PACRG: variants seen among roughly 807,000 people sequenced by gnomAD.
The protein encoded by PACRG is parkin coregulated gene protein.
In PACRG, 29 loss-of-function variants were observed where a neutral mutation model predicts 29.7. The ratio of observed to expected loss-of-function variants is 0.98; its 90% CI spans 0.73 to 1.33. PACRG has a LOEUF of 1.33. Ranked by LOEUF, PACRG falls within the 40% of genes most tolerant of loss-of-function variation. The pLI, the probability that PACRG is intolerant of heterozygous loss-of-function variation, is 0.00. For missense variants in PACRG, 279 were observed against 316.2 expected (o/e 0.88, Z 0.89); for synonymous variants, 116 against 118.7 (o/e 0.98, Z 0.15).
At chr6:162,970,844 CT>C (rs56290314) in intron 2 of PACRG, among the ~76,000 whole-genome samples, 85,397 of 151,932 alleles carry the variant, frequency 0.56, 24,305 homozygotes, top group Middle Eastern at 0.71. Flanking sequence ...GGCATTGCCC[CT>C]GTCACCTGAG....
intron 1 of PACRG, among the ~76,000 whole-genome samples, chr6:162,758,611 G>C (rs868300588): frequency 6.6e-6 from 1 of 152,194 alleles, no homozygotes; most frequent in East Asian, 1.9e-4. Context: ...ACATGGACAA[G>C]AGAGCCAGAT....
intron 2 of PACRG, among the ~76,000 whole-genome samples, chr6:162,961,418 A>G (rs1271490616): frequency 6.6e-6 from 1 of 152,198 alleles, no homozygotes; most frequent in South Asian, 2.1e-4. Flanking sequence ...TGGAGTTTCT[A>G]CTATCATGTG....
At chr6:162,961,530 A>G (rs1438969103) in intron 2 of PACRG, among the ~76,000 whole-genome samples, 1 of 152,196 alleles carries the variant, frequency 6.6e-6, no homozygotes, top group Non-Finnish European at 1.5e-5. Context: ...CACCTGGATT[A>G]CAAACGCAAC....
At chr6:163,109,883 A>G (rs2128318808) in intron 4 of PACRG, among the ~76,000 whole-genome samples, 1 of 152,332 alleles carries the variant, frequency 6.6e-6, no homozygotes, top group East Asian at 1.9e-4. Context: ...TGCAAACTCA[A>G]GTATATAACT....
intron 2 of PACRG, among the ~76,000 whole-genome samples, chr6:163,030,383 C>G (rs546548525): frequency 6.6e-6 from 1 of 152,290 alleles, no homozygotes; most frequent in South Asian, 2.1e-4. Flanking sequence ...AAAGTTTCTT[C>G]CAGCTTATGA....
intron 2 of PACRG, among the ~76,000 whole-genome samples, chr6:162,980,258 A>G (rs1802300621): frequency 6.6e-6 from 1 of 151,684 alleles, no homozygotes; most frequent in Non-Finnish European, 1.5e-5. Flanking sequence ...TACAGATCTC[A>G]TGTCATTAGG....
At chr6:162,769,590 T>C (rs1783058052) in intron 1 of PACRG, among the ~76,000 whole-genome samples, 1 of 152,050 alleles carries the variant, frequency 6.6e-6, no homozygotes, top group South Asian at 2.1e-4. Flanking sequence ...CCAGAGGATA[T>C]TGATCATGCA....
chr6:163,127,804 C>T (rs1372516846), intron 4 of PACRG, among the ~76,000 whole-genome samples: 3 of 152,202 alleles, frequency 2.0e-5, no homozygotes, highest in African/African-American at 4.8e-5. Flanking sequence ...ATGCTTGTAG[C>T]TCAGAGTGCA....
intron 2 of PACRG, among the ~76,000 whole-genome samples, chr6:162,844,668 C>A (rs1277321048): frequency 6.6e-6 from 1 of 152,206 alleles, no homozygotes; most frequent in African/African-American, 2.4e-5. Context: ...CTGGGTGAAT[C>A]TTCAATTACA....
chr6:163,305,939 G>A lies in PACRG; in HGVS notation c.614-8888G>A, dbSNP rs985802123. Among the ~76,000 whole-genome samples the A allele has an allele frequency of 7.2e-5, 11 of 152,048 alleles. No homozygotes were observed. The South Asian group carries it at 8.3e-4, about 11-fold the overall frequency. On this transcript the variant is annotated intron_variant, in intron 4 of 4. Transcript: ENST00000366888. Reference sequence around the variant, plus strand: ...AAATGTTCTGCTACCTCCTGCTCTCGCTGTGATGACATGTGATGCTTGGAC... The same window carrying A: ...AAATGTTCTGCTACCTCCTGCTCTCACTGTGATGACATGTGATGCTTGGAC...
chr6:163,268,920 T>C (rs1035554881), intron 4 of PACRG, among the ~76,000 whole-genome samples: 1 of 152,204 alleles, frequency 6.6e-6, no homozygotes, highest in African/African-American at 2.4e-5. Flanking sequence ...TTCCTAAGTT[T>C]GTGATTATAA....
At chr6:163,020,423 A>G (rs1806502577) in intron 2 of PACRG, among the ~76,000 whole-genome samples, 1 of 151,720 alleles carries the variant, frequency 6.6e-6, no homozygotes, top group African/African-American at 2.4e-5. Flanking sequence ...AATAAAAATA[A>G]AACCAAACAC....
chr6:163,263,164 A>AGG (rs61321561), intron 4 of PACRG, among the ~76,000 whole-genome samples: 46,055 of 148,534 alleles, frequency 0.31, 7,265 homozygotes, highest in East Asian at 0.41. Flanking sequence ...TATCTTACAG[A>AGG]CCCCAGGAGG....
intron 2 of PACRG, among the ~76,000 whole-genome samples, chr6:162,913,705 A>G (rs533802749): frequency 2.0e-5 from 3 of 152,308 alleles, no homozygotes; most frequent in Admixed American, 6.5e-5. Flanking sequence ...CAGTTTCTCT[A>G]CATCCTCACC....
chr6:163,087,813 A>G (rs992308052), intron 3 of PACRG, among the ~76,000 whole-genome samples: 5 of 143,030 alleles, frequency 3.5e-5, no homozygotes, highest in African/African-American at 1.3e-4. Context: ...ATGGAGAGTG[A>G]GGCCAGAGGA....
intron 2 of PACRG, among the ~76,000 whole-genome samples, chr6:163,008,425 C>G (rs1299680887): frequency 6.6e-6 from 1 of 151,828 alleles, no homozygotes; most frequent in Non-Finnish European, 1.5e-5. Flanking sequence ...CTTGTTGTGA[C>G]CAGCGTGTGT....
rs1001799895 is a variant in PACRG, at chr6:162,798,026, T to C, written c.157-16121T>C. ...AACTCTGTATGGTATTTTTCATCAA[T>C]TAGTAAGTTTTGCTGCTCTTTTAAA... On this transcript the variant is annotated intron_variant, in intron 1 of 4. Transcript: ENST00000366888. Among the ~76,000 whole-genome samples, 13 of 152,194 alleles carry C rather than the reference T, an allele frequency of 8.5e-5. No homozygotes were observed. The East Asian group carries it at 2.5e-3, about 29-fold the overall frequency.
intron 1 of PACRG, among the ~76,000 whole-genome samples, chr6:162,756,639 C>G (rs1781946329): frequency 6.6e-6 from 1 of 152,018 alleles, no homozygotes; most frequent in South Asian, 2.1e-4. Context: ...AATCCATTTA[C>G]ATTTAAGGTA....
At chr6:163,092,676 G>A (rs920996315) in intron 4 of PACRG, among the ~76,000 whole-genome samples, 5 of 152,096 alleles carry the variant, frequency 3.3e-5, no homozygotes, top group South Asian at 2.1e-4. Context: ...GATATGCATC[G>A]TAACAACTTT....
Sources: allele counts gnomAD v4.1 joint callset (sites outside exome capture counted in the v4.1 genomes callset), GRCh38; gene constraint gnomAD v4.1.1; transcripts MANE v1.5; gene names NCBI Gene and HGNC (gene_info 2026-07-23, HGNC 2026-07-21).